Variants in EIPR1 observed in about 807,000 individuals in gnomAD.
EIPR1 encodes EARP and GARP complex-interacting protein 1.
A neutral mutation model predicts 48.1 loss-of-function variants in EIPR1; 25 were observed. The ratio of observed to expected loss-of-function variants is 0.52; its 90% CI spans 0.38 to 0.73. EIPR1 has a LOEUF of 0.73. Among genes scored for constraint, EIPR1 ranks in the 30% least tolerant of loss-of-function variants. EIPR1 has a pLI of 0.00. For missense variants in EIPR1, 415 were observed against 506.2 expected (o/e 0.82, Z 1.73); for synonymous variants, 204 against 201.9 (o/e 1.01, Z -0.09).
intron 4 of EIPR1, among the ~76,000 whole-genome samples, chr2:3,229,598 GTTCCT>G (rs1666173774): frequency 6.6e-6 from 1 of 152,192 alleles, no homozygotes; most frequent in Non-Finnish European, 1.5e-5. Context: ...AATGTTCACA[GTTCCT>G]TTCAATTTTC....
chr2:3,211,389 C>T (rs865982286), intron 5 of EIPR1, among the ~76,000 whole-genome samples: 9 of 152,154 alleles, frequency 5.9e-5, no homozygotes, highest in Admixed American at 2.6e-4. Flanking sequence ...ACCCACCGAC[C>T]GCCCACAAAG....
At chr2:3,222,928 T>C (rs1665944343) in intron 4 of EIPR1, among the ~76,000 whole-genome samples, 1 of 152,186 alleles carries the variant, frequency 6.6e-6, no homozygotes, top group Non-Finnish European at 1.5e-5. Context: ...GGCGGTTCCC[T>C]AACCAATCAC....
chr2:3,263,473 C>T (rs1667395015), intron 3 of EIPR1, among the ~76,000 whole-genome samples: 1 of 152,158 alleles, frequency 6.6e-6, no homozygotes, highest in Admixed American at 6.5e-5. Context: ...TGACCAGAGA[C>T]CACCCCTCAA....
At chr2:3,318,081 C>T (rs1001856948) in intron 3 of EIPR1, among the ~76,000 whole-genome samples, 5 of 152,230 alleles carry the variant, frequency 3.3e-5, no homozygotes, top group African/African-American at 4.8e-5. Context: ...GGCGCACAGC[C>T]GTGGCTCCTA....
intron 3 of EIPR1, among the ~76,000 whole-genome samples, chr2:3,332,820 A>G (rs1669939700): frequency 6.6e-6 from 1 of 152,208 alleles, no homozygotes; most frequent in African/African-American, 2.4e-5. Flanking sequence ...CTTTTTCACA[A>G]TCATCACAGG....
intron 5 of EIPR1, among the ~76,000 whole-genome samples, chr2:3,205,461 C>A (rs1665197495): frequency 6.6e-6 from 1 of 152,236 alleles, no homozygotes; most frequent in African/African-American, 2.4e-5. Context: ...AAAGCAGTCA[C>A]ATGTGGATAT....
intron 4 of EIPR1, among the ~76,000 whole-genome samples, chr2:3,219,929 C>T (rs1017976923): frequency 3.9e-5 from 6 of 152,304 alleles, no homozygotes; most frequent in South Asian, 2.1e-4. Flanking sequence ...GGAACTAGGC[C>T]GCACAGCAGG....
At chr2:3,302,985 A>G (rs1454020355) in intron 3 of EIPR1, among the ~76,000 whole-genome samples, 1 of 152,132 alleles carries the variant, frequency 6.6e-6, no homozygotes, top group Admixed American at 6.5e-5. Flanking sequence ...TCATCTGTAA[A>G]ACTGAAATTG....
At chr2:3,210,203 T>C (rs1665395415) in intron 5 of EIPR1, among the ~76,000 whole-genome samples, 1 of 152,028 alleles carries the variant, frequency 6.6e-6, no homozygotes, top group South Asian at 2.1e-4. Context: ...GATAAACTTT[T>C]GCTCTGAAAA....
intron 2 of EIPR1, among the ~76,000 whole-genome samples, chr2:3,347,581 T>C (rs73135135): frequency 0.042 from 6,365 of 152,186 alleles, 470 homozygotes; most frequent in East Asian, 0.33. Flanking sequence ...CCGTCTCGGG[T>C]ATGTCTTTAT....
chr2:3,253,277 C>A (rs1667056702), intron 4 of EIPR1, among the ~76,000 whole-genome samples: 1 of 152,178 alleles, frequency 6.6e-6, no homozygotes, highest in African/African-American at 2.4e-5. Context: ...CCTTTCTGGA[C>A]CAAACCCATG....
chr2:3,196,254 C>T (rs73129600), intron 6 of EIPR1, among the ~76,000 whole-genome samples: 3,363 of 152,266 alleles, frequency 0.022, 105 homozygotes, highest in African/African-American at 0.069. Flanking sequence ...CTTTTCAGCT[C>T]GGTGATAAAT....
At chr2:3,340,480 A>C (rs1042701718) in intron 2 of EIPR1, among the ~76,000 whole-genome samples, 1 of 152,260 alleles carries the variant, frequency 6.6e-6, no homozygotes, top group Non-Finnish European at 1.5e-5. Flanking sequence ...TCTAAGAACC[A>C]GAGAAATGAA....
chr2:3,206,086 CA>C (rs1213470548), intron 5 of EIPR1, among the ~76,000 whole-genome samples: 1 of 152,130 alleles, frequency 6.6e-6, no homozygotes, highest in Non-Finnish European at 1.5e-5. Flanking sequence ...CCCTGAGGCC[CA>C]GTGCCACCTT....
At chr2:3,238,502 C>A (rs1322711156) in intron 4 of EIPR1, among the ~76,000 whole-genome samples, 1 of 152,226 alleles carries the variant, frequency 6.6e-6, no homozygotes, top group Non-Finnish European at 1.5e-5. Flanking sequence ...ACCTTCCTCA[C>A]ATTCCTTCTC....
chr2:3,191,074 A>C (rs115936147), intron 8 of EIPR1, among the ~76,000 whole-genome samples: 2,041 of 152,324 alleles, frequency 0.013, 49 homozygotes, highest in African/African-American at 0.046. Flanking sequence ...AGCTTGGGTG[A>C]CTTTTTTGTT....
chr2:3,310,132 A>C (rs1011572474), intron 3 of EIPR1, among the ~76,000 whole-genome samples: 1 of 152,192 alleles, frequency 6.6e-6, no homozygotes, highest in Non-Finnish European at 1.5e-5. Context: ...AGGAGCTGGA[A>C]AGTTGTTTAT....
intron 3 of EIPR1, among the ~76,000 whole-genome samples, chr2:3,290,266 G>T (rs569425411): frequency 6.6e-6 from 1 of 152,216 alleles, no homozygotes; most frequent in African/African-American, 2.4e-5. Flanking sequence ...GATGCACAAC[G>T]AAGGATGGTG....
chr2:3,367,373 T>C (rs1335902533), intron 1 of EIPR1, among the ~76,000 whole-genome samples: 1 of 152,208 alleles, frequency 6.6e-6, no homozygotes, highest in Non-Finnish European at 1.5e-5. Flanking sequence ...ACAAGAAATC[T>C]GAACAACTAG....
Sources: allele counts gnomAD v4.1 joint callset (sites outside exome capture counted in the v4.1 genomes callset), GRCh38; gene constraint gnomAD v4.1.1; transcripts MANE v1.5; gene names NCBI Gene and HGNC (gene_info 2026-07-23, HGNC 2026-07-21).